The following TEX36 variants were observed in gnomAD, a reference collection of about 807,000 sequenced individuals.
TEX36 encodes the protein testis expressed 36, also known as testis-expressed protein 36.
TEX36 carries 12 observed loss-of-function variants against 13.6 expected under a neutral mutation model. The observed-to-expected ratio is 0.88, with a 90% CI of 0.56 to 1.43. The LOEUF (loss-of-function observed/expected upper bound fraction) is 1.43, where lower values mean the gene tolerates loss of function less well. Ranked by LOEUF, TEX36 falls within the 40% of genes most tolerant of loss-of-function variation. The probability of loss-of-function intolerance (pLI) is 0.00; values close to 1 mark genes in which losing one functional copy is unlikely to be tolerated. For missense variants in TEX36, 224 were observed against 228.3 expected (o/e 0.98, Z 0.12); for synonymous variants, 93 against 83.0 (o/e 1.12, Z -0.65).
chr10:125,664,398 T>G (rs1225100805), intron 1 of TEX36, among the ~76,000 whole-genome samples: 1 of 152,206 alleles, frequency 6.6e-6, no homozygotes, highest in Non-Finnish European at 1.5e-5. Flanking sequence ...TATTTTTAAT[T>G]TTTTGAGGAA....
chr10:125,651,504 AT>A (rs1846858462), downstream of TEX36, among the ~76,000 whole-genome samples: 1 of 152,194 alleles, frequency 6.6e-6, no homozygotes, highest in Non-Finnish European at 1.5e-5. Flanking sequence ...TCTCAAAATA[AT>A]AAGAGCTATT....
At chr10:125,582,345 T>C (rs558435881) in intron 3 of TEX36, among the ~76,000 whole-genome samples, 13 of 152,322 alleles carry the variant, frequency 8.5e-5, no homozygotes, top group African/African-American at 3.1e-4. Flanking sequence ...TTTCTGCACA[T>C]TTCACAGAGG....
At chr10:125,651,369 C>T (rs1214289924), downstream of TEX36, among the ~76,000 whole-genome samples, 1 of 152,138 alleles carries the variant, frequency 6.6e-6, no homozygotes, top group African/African-American at 2.4e-5. Flanking sequence ...CGTAACCCAT[C>T]ATATAAACAA....
downstream of TEX36, among the ~76,000 whole-genome samples, chr10:125,618,319 G>A (rs12241888): frequency 1.2e-3 from 176 of 151,920 alleles, no homozygotes; most frequent in African/African-American, 3.8e-3. Flanking sequence ...GCTTTGTTCC[G>A]TTGCTGGTGA....
At chr10:125,644,122 G>C (rs1439122668) in intron 3 of TEX36, among the ~76,000 whole-genome samples, 1 of 152,144 alleles carries the variant, frequency 6.6e-6, no homozygotes, top group African/African-American at 2.4e-5. Flanking sequence ...ACAAACAAAA[G>C]CCAAATAGAG....
chr10:125,635,172 A>G (rs1388060410), intron 3 of TEX36, among the ~76,000 whole-genome samples: 2 of 152,224 alleles, frequency 1.3e-5, no homozygotes, highest in East Asian at 3.8e-4. Flanking sequence ...AGTCTTGCCA[A>G]GAAGCAGGCT....
At chr10:125,608,714 C>T (rs1035411200) in intron 3 of TEX36, among the ~76,000 whole-genome samples, 12 of 152,086 alleles carry the variant, frequency 7.9e-5, no homozygotes, top group Admixed American at 2.0e-4. Context: ...CAGAAGTTAG[C>T]GCCATAGACA....
intron 3 of TEX36, 113 bp downstream of exon 3, chr10:125,660,907 GT>G: frequency 1.1e-6 from 1 of 906,898 alleles, no homozygotes; most frequent in Non-Finnish European, 1.8e-6. Flanking sequence ...ACCTCGCTTT[GT>G]TTTGACCTTG....
At chr10:125,625,444 G>A (rs1347645339) in intron 3 of TEX36, among the ~76,000 whole-genome samples, 6 of 152,150 alleles carry the variant, frequency 3.9e-5, no homozygotes, top group Admixed American at 3.9e-4. Flanking sequence ...TGATCCAAAG[G>A]TTATTTTGAT....
intron 3 of TEX36, among the ~76,000 whole-genome samples, chr10:125,649,537 C>T (rs187295411): frequency 2.1e-3 from 324 of 152,326 alleles, no homozygotes; most frequent in Non-Finnish European, 3.2e-3. Context: ...GCACCAGCCA[C>T]TGCAAAAACA....
At chr10:125,679,900 C>G (rs1231258668) in intron 1 of TEX36, among the ~76,000 whole-genome samples, 1 of 152,194 alleles carries the variant, frequency 6.6e-6, no homozygotes, top group Non-Finnish European at 1.5e-5. Flanking sequence ...TCCTGTCGCA[C>G]TCCCCAACCC....
intron 3 of TEX36, among the ~76,000 whole-genome samples, chr10:125,611,514 T>C (rs1321841000): frequency 6.6e-6 from 1 of 152,234 alleles, no homozygotes; most frequent in Non-Finnish European, 1.5e-5. Context: ...TGTTTTAATG[T>C]GTGTGTGAGA....
At chr10:125,647,474 A>G (rs951746216) in intron 3 of TEX36, among the ~76,000 whole-genome samples, 3 of 152,252 alleles carry the variant, frequency 2.0e-5, no homozygotes, top group African/African-American at 7.2e-5. Context: ...TGCTCTAAGA[A>G]ATAAAGTTTA....
At position 125,591,012 on chromosome 10, in the gene TEX36, G is replaced by A. The variant is rs928214584; in HGVS notation, c.265-14138C>T. 8.5e-5 allele frequency among the ~76,000 whole-genome samples: 13 copies of A among 152,116 alleles called. No homozygotes were observed. The East Asian group carries it at 9.6e-4, about 11-fold the overall frequency. On this transcript the variant is annotated intron_variant, in intron 3 of 3. Transcript: ENST00000532135. ...GCCCAAAGGTGAATCGTCTCACAAC[G>A]GGCCCTGCCTGCACTGTACTATACC...
At chr10:125,589,624 A>T (rs1845999252) in intron 3 of TEX36, among the ~76,000 whole-genome samples, 1 of 152,242 alleles carries the variant, frequency 6.6e-6, no homozygotes, top group South Asian at 2.1e-4. Flanking sequence ...TGAAAGAATC[A>T]TATATTATTT....
intron 3 of TEX36, among the ~76,000 whole-genome samples, chr10:125,582,185 C>T (rs930394319): frequency 6.6e-6 from 1 of 152,162 alleles, no homozygotes; most frequent in African/African-American, 2.4e-5. Context: ...TGGAGTGGTG[C>T]CCTCAGGGAG....
intron 3 of TEX36, among the ~76,000 whole-genome samples, chr10:125,658,783 G>C (rs1026196815): frequency 6.6e-6 from 1 of 151,820 alleles, no homozygotes. Flanking sequence ...TTAGGAAAGG[G>C]AAAAATTAAA....
At chr10:125,590,057 C>T (rs1846002517) in intron 3 of TEX36, among the ~76,000 whole-genome samples, 1 of 152,184 alleles carries the variant, frequency 6.6e-6, no homozygotes, top group African/African-American at 2.4e-5. Flanking sequence ...CACTTATTAA[C>T]ATTACACGAC....
chr10:125,577,477 G>A (rs569501293), intron 3 of TEX36, among the ~76,000 whole-genome samples: 2 of 152,242 alleles, frequency 1.3e-5, no homozygotes, highest in South Asian at 4.2e-4. Flanking sequence ...CCAGCCTGGG[G>A]TACAGAGTGA....
Sources: gnomAD v4.1 joint callset for allele counts (sites outside exome capture counted in the v4.1 genomes callset) on GRCh38, gnomAD v4.1.1 for gene constraint, MANE v1.5 for transcripts, NCBI Gene and HGNC (gene_info 2026-07-23, HGNC 2026-07-21) for gene names.